Variants in DBF4B observed in about 807,000 individuals in gnomAD.
DBF4B encodes the protein protein DBF4 homolog B.
A neutral mutation model predicts 53.4 loss-of-function variants in DBF4B; 49 were observed. That is an observed-to-expected ratio of 0.92 (90% CI 0.73 to 1.16). The LOEUF (loss-of-function observed/expected upper bound fraction) is 1.16. Among genes scored for constraint, DBF4B ranks in the 50% most tolerant of loss-of-function variants. DBF4B has a pLI of 0.00. For missense variants in DBF4B, 692 were observed against 775.0 expected (o/e 0.89, Z 1.27); for synonymous variants, 257 against 288.7 (o/e 0.89, Z 1.11).
intron 3 of DBF4B, among the ~76,000 whole-genome samples, chr17:44,727,113 A>C (rs1032421609): frequency 1.3e-5 from 2 of 149,968 alleles, no homozygotes; most frequent in Admixed American, 6.7e-5. Flanking sequence ...AAAAAAAAAA[A>C]AAAAAAAAAC....
In DBF4B at chr17:44,708,859, G is replaced by T. The variant is rs1173039809; in HGVS notation, c.19+20G>T. The T allele has an allele frequency of 5.8e-6, 9 of 1,550,952 alleles. No individual in the cohort carries two copies. The highest frequency in any genetic ancestry group is 7.8e-6 in the Non-Finnish European group (9 of 1,146,808). On this transcript the variant is annotated intron_variant, in intron 1 of 13. Transcript: ENST00000315005. The stretch of plus-strand genomic sequence containing the variant: ...GAAAGGGTACGGATGCCGGGAAGGG[G>T]AGAAAGAAAGGCGGAAGGGGTCGTT...
At chr17:44,741,287 G>T (rs1262307061) in intron 9 of DBF4B, 49 bp from the exon 10 acceptor site, 1 of 1,417,514 alleles carries the variant, frequency 7.1e-7, no homozygotes, top group Admixed American at 1.7e-5. Context: ...CCCCTCCTCA[G>T]CCTTTACCTT....
chr17:44,744,560 T>A (rs1318660574), intron 10 of DBF4B, among the ~76,000 whole-genome samples: 2 of 152,216 alleles, frequency 1.3e-5, no homozygotes, highest in African/African-American at 4.8e-5. Context: ...CAGAGTAAAT[T>A]TGCAATTGCT....
At chr17:44,713,378 C>T (rs1462581666) in intron 2 of DBF4B, among the ~76,000 whole-genome samples, 4 of 150,488 alleles carry the variant, frequency 2.7e-5, no homozygotes, top group Admixed American at 1.3e-4. Flanking sequence ...TTCGGCCGGG[C>T]GCGGTGGCTC....
Position 44,724,753 on chromosome 17 carries a change from G to T in DBF4B, c.225+1731G>T, listed in dbSNP as rs535076447. Among the ~76,000 whole-genome samples, 3 of 152,334 alleles carry T rather than the reference G, an allele frequency of 2.0e-5. No individual in the cohort carries two copies. In the South Asian group the frequency reaches 6.2e-4, roughly 32 times the overall value. On this transcript the variant is annotated intron_variant, in intron 3 of 13. Transcript: ENST00000315005. ...TCAACACTTTGGGAGGCTGAGGTGG[G>T]AGGATTGCTGGAGTCCAGGAGTTTG...
Position 44,729,961 on chromosome 17 carries a change from A to G in DBF4B, c.282A>G (p.Glu94=). The change falls in exon 4 of 14, where the codon GAA becomes GAG. Residue 94 remains glutamate (E), a synonymous_variant. Coordinates refer to ENST00000315005, the MANE Select transcript of DBF4B (RefSeq NM_145663.3). The part of the protein sequence containing the change: ...EVSYIVSSRR[E]VKAESSGKSH... ...GTTACATCGTGTCCAGCCGCAGAGA[A>G]GTAAAGGCAGAGAGCAGTGGGAAAA... The G allele has an allele frequency of 6.2e-7, 1 of 1,614,078 alleles. No individual in the cohort carries two copies. Among genetic ancestry groups the G allele is most frequent in the Non-Finnish European group, 8.5e-7 (1 of 1,180,024 alleles).
chr17:44,713,604 A>G (rs1344933777), intron 2 of DBF4B, among the ~76,000 whole-genome samples: 3 of 152,148 alleles, frequency 2.0e-5, no homozygotes, highest in African/African-American at 4.8e-5. Context: ...AGCCGAGATC[A>G]TGCCGCTGCA....
chr17:44,748,832 C>G (rs1218512904), intron 13 of DBF4B: 2 of 1,293,978 alleles, frequency 1.5e-6, no homozygotes, highest in Admixed American at 2.3e-5. Context: ...CGTCTTCCCT[C>G]TCTTCCCCTT....
intron 3 of DBF4B, among the ~76,000 whole-genome samples, chr17:44,726,949 A>AT (rs1568173907): frequency 6.6e-6 from 1 of 151,912 alleles, no homozygotes; most frequent in African/African-American, 2.4e-5. Context: ...AAATACAACA[A>AT]TTAGCTGCGT....
intron 10 of DBF4B, among the ~76,000 whole-genome samples, chr17:44,745,357 C>T (rs1976493734): frequency 6.6e-6 from 1 of 152,130 alleles, no homozygotes; most frequent in South Asian, 2.1e-4. Context: ...TATATTAGTC[C>T]ATTTTCATAC....
chr17:44,708,850 C>A lies in DBF4B; in HGVS notation c.19+11C>A. The A allele has an allele frequency of 1.3e-6, 2 of 1,550,650 alleles. No homozygotes were observed. The highest frequency in any genetic ancestry group is 1.7e-6 in the Non-Finnish European group (2 of 1,146,652). ...GCGAACCGGGAAAGGGTACGGATGCCGGGAAGGGGAGAAAGAAAGGCGGAA... is the reference window on the plus strand; with the variant it reads ...GCGAACCGGGAAAGGGTACGGATGCAGGGAAGGGGAGAAAGAAAGGCGGAA... On this transcript the variant is annotated intron_variant, in intron 1 of 13. Coordinates refer to ENST00000315005, the MANE Select transcript of DBF4B (RefSeq NM_145663.3).
chr17:44,751,602 CT>C lies in DBF4B; in HGVS notation c.*350del. 1 of 1,352,782 alleles carries C rather than the reference CT, an allele frequency of 7.4e-7. No individual in the cohort carries two copies. Among genetic ancestry groups the C allele is most frequent in the Non-Finnish European group, 9.5e-7 (1 of 1,052,380 alleles). 83.8% of individuals were successfully genotyped at this position (1,352,782 alleles called of 1,614,324 possible). A position where few individuals can be genotyped will look rare whatever the true frequency, so the allele number is the denominator to read the frequency against. On this transcript the variant is annotated 3_prime_UTR_variant, in exon 14 of 14. Transcript: ENST00000315005. ...TGCCCCAAAATGCCATGCTCCTCTCCTGGAAAACACTTGAGTTGATTCAGTA... is the reference window on the plus strand; with the variant it reads ...TGCCCCAAAATGCCATGCTCCTCTCCGGAAAACACTTGAGTTGATTCAGTA...
chr17:44,734,069 A>T (rs1218030785), intron 6 of DBF4B, 21 bp from the exon 7 acceptor site: 1 of 1,606,102 alleles, frequency 6.2e-7, no homozygotes, highest in Non-Finnish European at 8.5e-7. Flanking sequence ...CTTTGGCACA[A>T]ACCCTCTGTC....
chr17:44,730,208 A>T, intron 4 of DBF4B, 112 bp downstream of exon 4: 8 of 1,191,830 alleles, frequency 6.7e-6, no homozygotes, highest in Non-Finnish European at 9.3e-6. Context: ...TTAATCTCTC[A>T]TTTGAATTCA....
At chr17:44,738,840 G>A (rs1975719705) in intron 9 of DBF4B, among the ~76,000 whole-genome samples, 1 of 152,186 alleles carries the variant, frequency 6.6e-6, no homozygotes, top group Non-Finnish European at 1.5e-5. Context: ...TGAAATTAGG[G>A]TGCTAGGGGT....
intron 11 of DBF4B, 79 bp downstream of exon 11, chr17:44,747,270 G>A: frequency 6.3e-7 from 1 of 1,597,340 alleles, no homozygotes; most frequent in Non-Finnish European, 8.6e-7. Flanking sequence ...TCCTTCCTAT[G>A]CGATCTCTAT....
In DBF4B at chr17:44,730,101, G is replaced by C. The variant is rs751009096; in HGVS notation, c.417+5G>C. 6.2e-7 allele frequency: 1 copy of C among 1,612,118 alleles called. No homozygotes were observed. The highest frequency in any genetic ancestry group is 8.5e-7 in the Non-Finnish European group (1 of 1,179,880). On this transcript the variant is annotated splice_donor_5th_base_variant and intron_variant, in intron 4 of 13. Coordinates refer to ENST00000315005, the MANE Select transcript of DBF4B (RefSeq NM_145663.3). ...TCACGGAAACCCGTTGACTCGGTAA[G>C]AACCTCATGTAGGAAAGGTATGCTG...
In DBF4B at chr17:44,726,253, T is replaced by C. The variant is rs1382235005; in HGVS notation, c.225+3231T>C. Among the ~76,000 whole-genome samples, 3 of 152,100 alleles carry C rather than the reference T, an allele frequency of 2.0e-5. No homozygotes were observed. The South Asian group carries it at 6.2e-4, about 32-fold the overall frequency. ...AACCACCCACCTCAGCCTCCCAAAGTGCTGGGATTACAGGTGTGAGCCATC... is the reference window on the plus strand; with the variant it reads ...AACCACCCACCTCAGCCTCCCAAAGCGCTGGGATTACAGGTGTGAGCCATC... On this transcript the variant is annotated intron_variant, in intron 3 of 13. Coordinates refer to ENST00000315005, the MANE Select transcript of DBF4B (RefSeq NM_145663.3).
Position 44,748,373 on chromosome 17 carries a change from C to G in DBF4B, c.1097C>G (p.Pro366Arg). The change falls in exon 13 of 14, where the codon CCT (proline) becomes CGT (arginine). Residue 366 changes from proline (P) to arginine (R), a missense_variant. Pro to Arg is a moderately radical substitution (Grantham distance 103). This residue lies in a region of DBF4B where 597 missense variants were observed against 665.8 expected (regional missense o/e 0.90). Transcript: ENST00000315005. ...WSGSPASDCD[P>R]LCPETLHPHQ... ...GGTTCCCCAGCTTCTGATTGTGACC[C>G]TCTCTGTCCTGAGACTCTGCACCCC... The G allele has an allele frequency of 1.2e-6, 2 of 1,609,082 alleles. No homozygotes were observed. The highest frequency in any genetic ancestry group is 1.7e-6 in the Non-Finnish European group (2 of 1,177,578).
Sources: allele counts gnomAD v4.1 joint callset (sites outside exome capture counted in the v4.1 genomes callset), GRCh38; gene constraint gnomAD v4.1.1; regional missense constraint gnomAD v4.1.1; transcripts MANE v1.5; gene names NCBI Gene and HGNC (gene_info 2026-07-23, HGNC 2026-07-21).